Variants in URI1 observed in about 807,000 individuals in gnomAD.
The protein encoded by URI1 is URI1 prefoldin like chaperone.
Under a neutral mutation model 60.2 loss-of-function variants are expected in URI1, and 39 were observed. The ratio of observed to expected loss-of-function variants is 0.65; its 90% CI spans 0.50 to 0.85. URI1 has a LOEUF of 0.85. Ranked by LOEUF, URI1 falls within the 40% of genes least tolerant of loss-of-function variation. URI1 has a pLI of 0.00. For missense variants in URI1, 691 were observed against 665.9 expected (o/e 1.04, Z -0.42); for synonymous variants, 251 against 236.8 (o/e 1.06, Z -0.55).
In URI1 at chr19:29,964,998, G is replaced by C. The variant is rs116667403; in HGVS notation, c.118-6195G>C. Among the ~76,000 whole-genome samples, 1,081 of 152,156 alleles carry C rather than the reference G, an allele frequency of 7.1e-3. 10 individuals are homozygous for C. Among genetic ancestry groups the C allele is most frequent in the African/African-American group, 0.024 (1,006 of 41,500 alleles). ...TTTCTTAGTTGCAAATCATACAGAT[G>C]CTTAGGAAATTATGAAATAATTTAC... On this transcript the variant is annotated intron_variant, in intron 1 of 10. Transcript: ENST00000392271.
chr19:29,931,830 T>G (rs1176574608), intron 1 of URI1, among the ~76,000 whole-genome samples: 2 of 152,120 alleles, frequency 1.3e-5, no homozygotes, highest in African/African-American at 4.8e-5. Context: ...CTTAGAAATA[T>G]ATATCCTACT....
At chr19:29,942,135 G>T (rs1380027603), upstream of URI1, 4 of 857,576 alleles carry the variant, frequency 4.7e-6, no homozygotes, top group East Asian at 2.4e-4. Flanking sequence ...CCAGCCACGC[G>T]GTTCGCATCA....
At chr19:29,957,015 G>T in intron 1 of URI1, 1 of 651,924 alleles carries the variant, frequency 1.5e-6, no homozygotes, top group Admixed American at 2.7e-5. Context: ...GCAAAAAAAA[G>T]TGGCCCAGAG....
chr19:29,954,845 C>A (rs2055224338), intron 1 of URI1, among the ~76,000 whole-genome samples: 1 of 151,872 alleles, frequency 6.6e-6, no homozygotes, highest in African/African-American at 2.4e-5. Context: ...TCACTTTTGA[C>A]CTGTCCTTCC....
chr19:29,985,914 TTTTC>T (rs1406549057), intron 3 of URI1, among the ~76,000 whole-genome samples: 2 of 152,234 alleles, frequency 1.3e-5, no homozygotes, highest in Non-Finnish European at 1.5e-5. Flanking sequence ...TAATTTTTAG[TTTTC>T]TTTATCAAAA....
chr19:29,967,766 C>G (rs1394702956), intron 1 of URI1, among the ~76,000 whole-genome samples: 1 of 152,184 alleles, frequency 6.6e-6, no homozygotes, highest in Admixed American at 6.5e-5. Context: ...GATAGAATCC[C>G]TGATAGAAAG....
At chr19:29,950,673 A>T (rs944087144) in intron 1 of URI1, among the ~76,000 whole-genome samples, 2 of 152,300 alleles carry the variant, frequency 1.3e-5, no homozygotes, top group East Asian at 3.9e-4. Flanking sequence ...CTTCTACATA[A>T]CCATATCTTT....
chr19:29,954,273 C>T (rs1164854612), intron 1 of URI1, among the ~76,000 whole-genome samples: 1 of 152,166 alleles, frequency 6.6e-6, no homozygotes, highest in Non-Finnish European at 1.5e-5. Flanking sequence ...TTGGGGTGTA[C>T]AGTTAGGGTA....
intron 1 of URI1, among the ~76,000 whole-genome samples, chr19:29,927,560 C>CTT (rs3049080): frequency 5.0e-5 from 2 of 39,802 alleles, no homozygotes; most frequent in Non-Finnish European, 7.8e-5. Context: ...CTGCACCCGG[C>CTT]TTTTTTTTTT....
intron 2 of URI1, among the ~76,000 whole-genome samples, chr19:29,984,410 CAGAG>C (rs923950121): frequency 6.6e-6 from 1 of 152,160 alleles, no homozygotes; most frequent in African/African-American, 2.4e-5. Context: ...GCCTGGGCAA[CAGAG>C]AGAGACTCTG....
intron 1 of URI1, among the ~76,000 whole-genome samples, chr19:29,924,625 C>T (rs2054850168): frequency 6.6e-6 from 1 of 152,172 alleles, no homozygotes; most frequent in Non-Finnish European, 1.5e-5. Context: ...GGCCAGAGCT[C>T]AGCCAATCAG....
intron 4 of URI1, among the ~76,000 whole-genome samples, chr19:29,999,738 A>G (rs967873947): frequency 6.6e-6 from 1 of 152,012 alleles, no homozygotes; most frequent in African/African-American, 2.4e-5. Flanking sequence ...GCTCTTGAGT[A>G]TCTCCAATAA....
intron 1 of URI1, among the ~76,000 whole-genome samples, chr19:29,926,509 T>C (rs1429373369): frequency 6.6e-6 from 1 of 152,118 alleles, no homozygotes. Context: ...CTTGAACTCC[T>C]TCCCTCAAGT....
chr19:29,926,390 C>T (rs953670820), intron 1 of URI1, among the ~76,000 whole-genome samples: 2 of 152,040 alleles, frequency 1.3e-5, no homozygotes, highest in African/African-American at 4.8e-5. Context: ...AGTGATCTTC[C>T]TGCCCCAGCC....
intron 1 of URI1, among the ~76,000 whole-genome samples, chr19:29,966,589 T>G (rs1390149029): frequency 6.6e-6 from 1 of 152,242 alleles, no homozygotes; most frequent in Non-Finnish European, 1.5e-5. Flanking sequence ...TTGTTGAAAG[T>G]ACACTATTTG....
rs2056073945 is a variant in URI1, at chr19:30,015,407, C to T, written c.*338C>T. 3.5e-6 allele frequency: 5 copies of T among 1,438,332 alleles called. No individual in the cohort carries two copies. The South Asian group carries it at 7.7e-5, about 22-fold the overall frequency. The allele number at this position is 1,438,332 out of a possible 1,614,324, so 89.1% of individuals were successfully genotyped here. A position where few individuals can be genotyped will look rare whatever the true frequency, so the allele number is the denominator to read the frequency against. Reference sequence around the variant, plus strand: ...AAACTAAATACAGGCAGTTTTGTGCCAGCTGTGATATTGTGCATACCATAT... The same window carrying T: ...AAACTAAATACAGGCAGTTTTGTGCTAGCTGTGATATTGTGCATACCATAT... On this transcript the variant is annotated 3_prime_UTR_variant, in exon 11 of 11. Coordinates refer to ENST00000392271, the MANE Select transcript of URI1 (RefSeq NM_003796.3).
chr19:29,996,081 G>A (rs1402799777), intron 4 of URI1, among the ~76,000 whole-genome samples: 2 of 151,910 alleles, frequency 1.3e-5, no homozygotes, highest in Non-Finnish European at 2.9e-5. Context: ...TATTGTTTTG[G>A]TTATTGGGGA....
chr19:29,994,900 C>T (rs1180183003), intron 4 of URI1, among the ~76,000 whole-genome samples: 1 of 151,926 alleles, frequency 6.6e-6, no homozygotes, highest in Admixed American at 6.6e-5. Context: ...CCTGCCTCAG[C>T]CTCCTGAGTA....
intron 2 of URI1, among the ~76,000 whole-genome samples, chr19:29,982,744 T>C (rs1322733794): frequency 6.6e-6 from 1 of 152,220 alleles, no homozygotes; most frequent in Non-Finnish European, 1.5e-5. Flanking sequence ...AATTGGTTAG[T>C]GAAATCTTGT....
Sources: allele counts gnomAD v4.1 joint callset (sites outside exome capture counted in the v4.1 genomes callset), GRCh38; gene constraint gnomAD v4.1.1; transcripts MANE v1.5; gene names NCBI Gene and HGNC (gene_info 2026-07-23, HGNC 2026-07-21).